Variants in GPC5 observed in about 807,000 individuals in gnomAD.
The protein encoded by GPC5 is glypican 5, also known as glypican-5.
Under a neutral mutation model 53.9 loss-of-function variants are expected in GPC5, and 47 were observed. That is an observed-to-expected ratio of 0.87 (90% CI 0.69 to 1.11). The LOEUF is 1.11. Ranked by LOEUF, GPC5 falls within the 50% of genes most tolerant of loss-of-function variation. The pLI is 0.00. For synonymous variants in GPC5, 286 were observed against 263.3 expected, an observed-to-expected ratio of 1.09 and a Z score of -0.84; for missense variants, 748 against 713.1, an observed-to-expected ratio of 1.05 and a Z score of -0.56.
chr13:92,761,439 A>G lies in GPC5; in HGVS notation c.1562-104843A>G, dbSNP rs144383821. On this transcript the variant is annotated intron_variant, in intron 7 of 7. Coordinates refer to ENST00000377067, the MANE Select transcript of GPC5 (RefSeq NM_004466.6). ...TAGAGCCCTCTATCATTAAATAATG[A>G]CCTGTTACGTTTCTTGTGACTTTAA... Among the ~76,000 whole-genome samples the G allele has an allele frequency of 3.9e-3, 600 of 152,296 alleles. 6 individuals carry two copies. Among genetic ancestry groups the G allele is most frequent in the African/African-American group, 0.014 (569 of 41,560 alleles).
chr13:91,794,766 A>G (rs2038021295), intron 5 of GPC5, among the ~76,000 whole-genome samples: 3 of 152,230 alleles, frequency 2.0e-5, no homozygotes, highest in Admixed American at 2.0e-4. Context: ...CAAACAGTGC[A>G]GTGGGCTACT....
intron 7 of GPC5, among the ~76,000 whole-genome samples, chr13:92,379,738 G>A (rs1315494648): frequency 1.3e-5 from 2 of 151,834 alleles, no homozygotes; most frequent in East Asian, 3.9e-4. Flanking sequence ...GTTCCTCTCT[G>A]TGCCCACTGC....
At chr13:92,704,808 CAT>C (rs941662326) in intron 7 of GPC5, among the ~76,000 whole-genome samples, 3 of 148,498 alleles carry the variant, frequency 2.0e-5, no homozygotes, top group African/African-American at 7.4e-5. Flanking sequence ...TACACACACA[CAT>C]ATATATACTT....
At position 92,760,744 on chromosome 13, in the gene GPC5, A is replaced by G. The variant is rs558919696; in HGVS notation, c.1562-105538A>G. On this transcript the variant is annotated intron_variant, in intron 7 of 7. Coordinates refer to ENST00000377067, the MANE Select transcript of GPC5 (RefSeq NM_004466.6). ...ATTTTTTGGCTTTTTGAGGTGTAAT[A>G]TTAAACTATTTATTTGAGATTGCTC... 2.0e-5 allele frequency among the ~76,000 whole-genome samples: 3 copies of G among 151,930 alleles called. No homozygotes were observed. The South Asian group carries it at 6.2e-4, about 32-fold the overall frequency.
chr13:91,690,994 G>C (rs767438579), intron 2 of GPC5, among the ~76,000 whole-genome samples: 1 of 152,048 alleles, frequency 6.6e-6, no homozygotes, highest in African/African-American at 2.4e-5. Context: ...CCCACTTCGC[G>C]GTTCTTAGCC....
chr13:92,273,413 A>T (rs2042853436), intron 7 of GPC5, among the ~76,000 whole-genome samples: 1 of 152,138 alleles, frequency 6.6e-6, no homozygotes, highest in Admixed American at 6.6e-5. Context: ...TCACATTTGT[A>T]AACAGGGATA....
At chr13:92,172,048 G>C (rs2042074175) in intron 7 of GPC5, among the ~76,000 whole-genome samples, 1 of 152,168 alleles carries the variant, frequency 6.6e-6, no homozygotes, top group South Asian at 2.1e-4. Flanking sequence ...TAGATTGTTA[G>C]TTCTGTGTAT....
chr13:92,719,328 T>TAAG (rs1464237270), intron 7 of GPC5, among the ~76,000 whole-genome samples: 2 of 152,108 alleles, frequency 1.3e-5, no homozygotes, highest in Non-Finnish European at 2.9e-5. Context: ...AACCATGTAA[T>TAAG]AAGACCCCTG....
chr13:92,513,273 C>T (rs1029940081), intron 7 of GPC5, among the ~76,000 whole-genome samples: 1 of 152,176 alleles, frequency 6.6e-6, no homozygotes, highest in African/African-American at 2.4e-5. Flanking sequence ...TGACAGTGTG[C>T]TTAGGGGTCT....
chr13:92,725,621 T>C (rs1267085441), intron 7 of GPC5, among the ~76,000 whole-genome samples: 4 of 151,578 alleles, frequency 2.6e-5, no homozygotes, highest in South Asian at 2.1e-4. Context: ...TAATCCAAAA[T>C]GCAACTATAT....
intron 7 of GPC5, among the ~76,000 whole-genome samples, chr13:92,459,012 A>G (rs1168022911): frequency 6.6e-6 from 1 of 152,118 alleles, no homozygotes; most frequent in Non-Finnish European, 1.5e-5. Flanking sequence ...GTATAGTTTA[A>G]TGTTCAGATA....
rs1566400471 is a variant in GPC5 at position 92,751,302 on chromosome 13, T to TAAAAAAAAAAAAAAAAAAAAA, written c.1562-114980_1562-114979insAAAAAAAAAAAAAAAAAAAAA. Among the ~76,000 whole-genome samples, 82 of 34,418 alleles carry TAAAAAAAAAAAAAAAAAAAAA rather than the reference T, an allele frequency of 2.4e-3. 17 individuals carry two copies. The highest frequency in any genetic ancestry group is 4.8e-3 in the African/African-American group (47 of 9,804). 22.6% of individuals were successfully genotyped at this position (34,418 alleles called of 152,430 possible). ...AAAACCTTTGGTCATCCAGAAACAT[T>TAAAAAAAAAAAAAAAAAAAAA]TAAAAAAAAAAAAAAAAAAAAAAAA... On this transcript the variant is annotated intron_variant, in intron 7 of 7. Transcript: ENST00000377067.
Position 92,264,876 on chromosome 13 carries a change from C to CTGTG in GPC5, c.1561+119888_1561+119889insGTGT, listed in dbSNP as rs1357258483. On this transcript the variant is annotated intron_variant, in intron 7 of 7. Coordinates refer to ENST00000377067, the MANE Select transcript of GPC5 (RefSeq NM_004466.6). ...AGGGTCTCTCTCTCTCTCTCTCTCT[C>CTGTG]TCTGTGTGTGTGTGTGTGTGTGTGT... 7.1e-3 allele frequency among the ~76,000 whole-genome samples: 852 copies of CTGTG among 119,172 alleles called. 6 individuals are homozygous for CTGTG. The highest frequency in any genetic ancestry group is 0.014 in the African/African-American group (374 of 26,666). The allele number at this position is 119,172 out of a possible 152,430, so 78.2% of individuals were successfully genotyped here. A position where few individuals can be genotyped will look rare whatever the true frequency, so the allele number is the denominator to read the frequency against.
chr13:91,512,591 C>T (rs528275909), intron 2 of GPC5, among the ~76,000 whole-genome samples: 10 of 152,364 alleles, frequency 6.6e-5, no homozygotes, highest in Admixed American at 2.0e-4. Context: ...AACCTCCTGC[C>T]CTTCCCTGGC....
intron 2 of GPC5, among the ~76,000 whole-genome samples, chr13:91,577,715 A>G (rs1333425553): frequency 6.6e-6 from 1 of 152,180 alleles, no homozygotes; most frequent in Non-Finnish European, 1.5e-5. Flanking sequence ...AACGTTTGTT[A>G]CTATGGACTT....
At chr13:91,862,018 C>T (rs1047383896) in intron 5 of GPC5, among the ~76,000 whole-genome samples, 24 of 151,836 alleles carry the variant, frequency 1.6e-4, no homozygotes, top group African/African-American at 5.6e-4. Flanking sequence ...ACATCATAAA[C>T]CCCACAATAA....
chr13:91,520,488 T>C (rs572887044), intron 2 of GPC5, among the ~76,000 whole-genome samples: 4 of 152,156 alleles, frequency 2.6e-5, no homozygotes, highest in South Asian at 4.2e-4. Context: ...GAGAATGAGG[T>C]TCAACAAGGA....
chr13:91,542,314 C>T (rs1400820794), intron 2 of GPC5, among the ~76,000 whole-genome samples: 2 of 152,096 alleles, frequency 1.3e-5, no homozygotes, highest in East Asian at 3.9e-4. Flanking sequence ...AATGTGAAAT[C>T]ATAAAAAGAG....
intron 5 of GPC5, among the ~76,000 whole-genome samples, chr13:91,872,818 A>G (rs1594632065): frequency 6.6e-6 from 1 of 152,210 alleles, no homozygotes; most frequent in South Asian, 2.1e-4. Flanking sequence ...AATGAAGTCA[A>G]TATTAAATCT....
Sources: allele counts gnomAD v4.1 joint callset (sites outside exome capture counted in the v4.1 genomes callset), GRCh38; gene constraint gnomAD v4.1.1; transcripts MANE v1.5; gene names NCBI Gene and HGNC (gene_info 2026-07-23, HGNC 2026-07-21).